Variants in RGS12 observed in about 807,000 individuals in gnomAD.
RGS12 encodes regulator of G protein signaling 12, also known as regulator of G-protein signaling 12.
In RGS12, 66 loss-of-function variants were observed where a neutral mutation model predicts 120.1. That is an observed-to-expected ratio of 0.55 (90% CI 0.45 to 0.67). RGS12 has a LOEUF of 0.67. RGS12 is among the 30% of genes least tolerant of loss of function. The probability of loss-of-function intolerance (pLI) is 0.00; values close to 1 mark genes in which losing one functional copy is unlikely to be tolerated. For missense variants in RGS12, 1,859 were observed against 1,957.7 expected, an observed-to-expected ratio of 0.95 and a Z score of 0.95; for synonymous variants, 827 against 804.7, an observed-to-expected ratio of 1.03 and a Z score of -0.47.
chr4:3,344,358 A>G (rs932469189), intron 3 of RGS12, among the ~76,000 whole-genome samples: 1 of 152,136 alleles, frequency 6.6e-6, no homozygotes, highest in African/African-American at 2.4e-5. Context: ...TGAAGACTCA[A>G]AAGGGGTGTG....
chr4:3,427,975 G>C, intron 14 of RGS12, 115 bp from the exon 15 acceptor site: 1 of 983,862 alleles, frequency 1.0e-6, no homozygotes, highest in South Asian at 1.4e-5. Flanking sequence ...AAGGGCAGCA[G>C]ATGCCTTGTG....
intron 3 of RGS12, among the ~76,000 whole-genome samples, chr4:3,364,967 G>A (rs1716147092): frequency 6.6e-6 from 1 of 152,098 alleles, no homozygotes; most frequent in South Asian, 2.1e-4. Context: ...CACAAGGCAG[G>A]CAGAATCCAG....
chr4:3,291,671 T>C (rs1578653986), upstream of RGS12, among the ~76,000 whole-genome samples: 1 of 152,086 alleles, frequency 6.6e-6, no homozygotes, highest in African/African-American at 2.4e-5. Context: ...CTCTGCTGGG[T>C]CATCAAGGGC....
At position 3,414,989 on chromosome 4, in the gene RGS12, G is replaced by A. The variant is rs185426824; in HGVS notation, c.2283+145G>A. The A allele has an allele frequency of 3.6e-3, 2,129 of 593,774 alleles. 46 individuals are homozygous for A. The highest frequency in any genetic ancestry group is 0.023 in the East Asian group (764 of 33,898). The allele number at this position is 593,774 out of a possible 1,614,324, so 36.8% of individuals were successfully genotyped here. A position where few individuals can be genotyped will look rare whatever the true frequency, so the allele number is the denominator to read the frequency against. ...GTGAGAGGGGCGTGTGAGAGGTTGCGTGTGAGGGGCGTGTGAGGGGCGTGT... is the reference window on the plus strand; with the variant it reads ...GTGAGAGGGGCGTGTGAGAGGTTGCATGTGAGGGGCGTGTGAGGGGCGTGT... On this transcript the variant is annotated intron_variant, in intron 6 of 17. Transcript: ENST00000336727.
chr4:3,318,462 C>G (rs1037636830), intron 2 of RGS12, among the ~76,000 whole-genome samples: 6 of 152,216 alleles, frequency 3.9e-5, no homozygotes, highest in Non-Finnish European at 7.3e-5. Context: ...TCCCACACCC[C>G]TCTTGAGGCG....
At chr4:3,423,108 G>A (rs932101012) in intron 12 of RGS12, 130 bp downstream of exon 12, 7 of 537,412 alleles carry the variant, frequency 1.3e-5, no homozygotes, top group Non-Finnish European at 2.3e-5. Flanking sequence ...GGGTGTCGGG[G>A]CGGGGGGAGG....
intron 7 of RGS12, 115 bp from the exon 8 acceptor site, chr4:3,416,798 G>C: frequency 1.1e-6 from 1 of 913,284 alleles, no homozygotes; most frequent in South Asian, 1.8e-5. Flanking sequence ...GGACTGAAAC[G>C]ATGTCCTTTC....
chr4:3,333,329 G>A (rs1026345280), intron 2 of RGS12, among the ~76,000 whole-genome samples: 2 of 152,178 alleles, frequency 1.3e-5, no homozygotes, highest in Non-Finnish European at 2.9e-5. Flanking sequence ...GATTACAGGC[G>A]TGAGCTACCG....
At position 3,389,297 on chromosome 4, in the gene RGS12, C is replaced by T. The variant is rs539795240; in HGVS notation, c.2020+2860C>T. Among the ~76,000 whole-genome samples, 38 of 152,022 alleles carry T rather than the reference C, an allele frequency of 2.5e-4. No individual in the cohort carries two copies. Among genetic ancestry groups the T allele is most frequent in the Non-Finnish European group, 4.3e-4 (29 of 67,996 alleles). ...GGTTACAGCTGGTCTCTGGGGGGCA[C>T]GGCAGGGCTGTGGGTGGGGGCAGGG... On this transcript the variant is annotated intron_variant, in intron 4 of 17. Coordinates refer to ENST00000336727, the MANE Select transcript of RGS12 (RefSeq NM_001394154.1). This position sits in a 1 kb window ranked among gnomAD's most constrained non-coding sequence, Gnocchi z 5.2.
Position 3,414,189 on chromosome 4 carries a change from C to T in RGS12, c.2138C>T (p.Ala713Val). Reference protein sequence around the residue: ...RLRERRVASWAVSFERLLQDP... With the variant: ...RLRERRVASWVVSFERLLQDP... ...CGTGAGAGGAGGGTCGCCAGCTGGG[C>T]CGTGTCCTTTGAGCGCCTGCTGCAG... is the stretch of plus-strand genomic sequence containing the variant. The change falls in exon 5 of 18, where the codon GCC becomes GTC. Residue 713 changes from alanine (A) to valine (V), a missense_variant. Ala to Val is a moderately conservative substitution (Grantham distance 64). This residue lies in a region of RGS12 where 967 missense variants were observed against 994.2 expected (regional missense o/e 0.97). Coordinates refer to ENST00000336727, the MANE Select transcript of RGS12 (RefSeq NM_001394154.1). The T allele has an allele frequency of 6.4e-7, 1 of 1,551,480 alleles. No individual in the cohort carries two copies.
At chr4:3,328,564 T>C (rs1327370242) in intron 2 of RGS12, among the ~76,000 whole-genome samples, 1 of 152,142 alleles carries the variant, frequency 6.6e-6, no homozygotes, top group Non-Finnish European at 1.5e-5. Flanking sequence ...GATGAATACA[T>C]TTCTCTTTTT....
chr4:3,427,807 A>G lies in RGS12; in HGVS notation c.3332-283A>G, dbSNP rs962447989. Reference sequence around the variant, plus strand: ...ATGTAAGACTCTGACTTTCTAGAGAATATTTATGCCAAATAGTATATGAAA... The same window carrying G: ...ATGTAAGACTCTGACTTTCTAGAGAGTATTTATGCCAAATAGTATATGAAA... On this transcript the variant is annotated intron_variant, in intron 14 of 17. Transcript: ENST00000336727. 5.3e-5 allele frequency among the ~76,000 whole-genome samples: 8 copies of G among 152,218 alleles called. No individual in the cohort carries two copies. The East Asian group carries it at 1.5e-3, about 29-fold the overall frequency.
intron 8 of RGS12, 108 bp downstream of exon 8, chr4:3,417,200 G>A (rs1722502081): frequency 7.4e-7 from 1 of 1,346,344 alleles, no homozygotes; most frequent in Non-Finnish European, 1.0e-6. Context: ...CACCAGTGGT[G>A]GGTGACGCTC....
At chr4:3,312,207 G>T (rs956962392) in intron 1 of RGS12, among the ~76,000 whole-genome samples, 4 of 152,124 alleles carry the variant, frequency 2.6e-5, no homozygotes, top group Admixed American at 6.5e-5. Flanking sequence ...TTCACTGTCT[G>T]TTCTGCTAGC....
rs748233996 is a variant in RGS12, at chr4:3,428,157, C to T, written c.3399C>T (p.Asn1133=). 4 of 1,613,588 alleles carry T rather than the reference C, an allele frequency of 2.5e-6. No homozygotes were observed. The highest frequency in any genetic ancestry group is 3.3e-5 in the Admixed American group (2 of 60,028). The change falls in exon 15 of 18, where the codon AAC becomes AAT. Residue 1133 remains asparagine, a synonymous_variant. Transcript: ENST00000336727. ...CAGCTGTAAATTCCAGCTCCAGAAA[C>T]CACTCGGCTACGGTAATTCCCCACC... The part of the protein sequence containing the change: ...QNTAVNSSSR[N]HSATGEERTL...
upstream of RGS12, among the ~76,000 whole-genome samples, chr4:3,292,428 C>T (rs917802525): frequency 4.6e-5 from 7 of 152,204 alleles, no homozygotes; most frequent in Non-Finnish European, 8.8e-5. Flanking sequence ...CCTTTCCTGG[C>T]TGTCCCCGTG....
intron 3 of RGS12, among the ~76,000 whole-genome samples, chr4:3,364,830 C>T (rs550778635): frequency 7.2e-5 from 11 of 152,146 alleles, no homozygotes; most frequent in Admixed American, 3.9e-4. Flanking sequence ...CCTGACTTGG[C>T]GGTCGCTGCC....
intron 3 of RGS12, among the ~76,000 whole-genome samples, chr4:3,371,073 G>A (rs966387800): frequency 6.6e-6 from 1 of 152,222 alleles, no homozygotes. Context: ...TACTAGTTTA[G>A]AGATGAGGGG....
rs527633056 is a variant in RGS12, at chr4:3,425,479, C to A, written c.3250C>A (p.Pro1084Thr). ...LLVRLSGEKEPLDLGAPISSL... is the reference protein window; with the variant it reads ...LLVRLSGEKETLDLGAPISSL... ...TCTGCCCTAGAGTGGAGAGAAGGAG[C>A]CCCTGGACCTTGGCGCCCCTATATC... The change falls in exon 14 of 18, where the codon CCC becomes ACC. Residue 1084 changes from proline to threonine, a missense_variant. By Grantham distance (38) the Pro-to-Thr change is conservative. Around this residue, in one of 3 missense-constraint regions of RGS12, gnomAD observed 517 missense variants for 488.5 expected, o/e 1.06. Transcript: ENST00000336727. 3.3e-5 allele frequency: 54 copies of A among 1,612,168 alleles called. No homozygotes were observed. The East Asian group carries it at 1.0e-3, about 31-fold the overall frequency.
Sources: gnomAD v4.1 joint callset for allele counts (sites outside exome capture counted in the v4.1 genomes callset) on GRCh38, gnomAD v4.1.1 for gene constraint, gnomAD v4.1.1 regional missense constraint, Gnocchi (gnomAD v3.1) non-coding constraint, MANE v1.5 for transcripts, NCBI Gene and HGNC (gene_info 2026-07-23, HGNC 2026-07-21) for gene names.